ARK2C: variants seen among roughly 807,000 people sequenced by gnomAD.
ARK2C encodes the protein arkadia (RNF111) C-terminal like ring finger ubiquitin ligase 2C, also known as E3 ubiquitin-protein ligase ARK2C.
chr18:46,430,834 G>A, the ARK2C span, among the ~76,000 whole-genome samples: 11 of 152,224 alleles, frequency 7.2e-5, no homozygotes, highest in East Asian at 2.1e-3. Flanking sequence ...TGAGGGTATG[G>A]ATTATATTGT....
the ARK2C span, among the ~76,000 whole-genome samples, chr18:46,376,597 A>G: frequency 3.9e-5 from 6 of 151,980 alleles, no homozygotes; most frequent in East Asian, 3.9e-4. Flanking sequence ...GTGACTTGGA[A>G]AGAAATTTCT....
At chr18:46,373,692 A>G in the ARK2C span, among the ~76,000 whole-genome samples, 2 of 152,288 alleles carry the variant, frequency 1.3e-5, no homozygotes, top group African/African-American at 4.8e-5. Flanking sequence ...TGTAAATGGC[A>G]CTTTACAACT....
the ARK2C span, among the ~76,000 whole-genome samples, chr18:46,454,461 G>T: frequency 1.3e-5 from 2 of 152,150 alleles, no homozygotes; most frequent in African/African-American, 4.8e-5. Flanking sequence ...TGATTTTCTG[G>T]ATTCTGGATA....
the ARK2C span, among the ~76,000 whole-genome samples, chr18:46,395,720 A>G: frequency 6.6e-6 from 1 of 152,208 alleles, no homozygotes; most frequent in African/African-American, 2.4e-5. Context: ...TTACCTGGGA[A>G]AATGCCTAAG....
chr18:46,426,313 C>T, the ARK2C span, among the ~76,000 whole-genome samples: 15 of 152,328 alleles, frequency 9.8e-5, no homozygotes, highest in South Asian at 4.1e-4. Flanking sequence ...TTTAGAGACT[C>T]GGGGACCTTG....
At chr18:46,455,143 G>A in the ARK2C span, among the ~76,000 whole-genome samples, 1 of 152,140 alleles carries the variant, frequency 6.6e-6, no homozygotes, top group African/African-American at 2.4e-5. Context: ...TGAACTTTCT[G>A]GATAGAAAGA....
chr18:46,381,023 T>A, the ARK2C span, among the ~76,000 whole-genome samples: 1 of 152,206 alleles, frequency 6.6e-6, no homozygotes. Flanking sequence ...TCATGTCCTC[T>A]GGCCATGTGT....
At chr18:46,408,663 A>G in the ARK2C span, among the ~76,000 whole-genome samples, 1 of 152,188 alleles carries the variant, frequency 6.6e-6, no homozygotes, top group Non-Finnish European at 1.5e-5. Context: ...AGTTAATTAG[A>G]GCATCATCTT....
the ARK2C span, among the ~76,000 whole-genome samples, chr18:46,339,602 T>G: frequency 3.3e-5 from 5 of 152,220 alleles, no homozygotes; most frequent in Admixed American, 3.3e-4. Context: ...CTTCAGGATT[T>G]TGGAAACCCC....
At chr18:46,395,875 C>T in the ARK2C span, among the ~76,000 whole-genome samples, 1 of 152,174 alleles carries the variant, frequency 6.6e-6, no homozygotes, top group Admixed American at 6.5e-5. Context: ...TATTATTGCT[C>T]GCCATTCTAT....
chr18:46,399,071 T>C, the ARK2C span, among the ~76,000 whole-genome samples: 8 of 152,164 alleles, frequency 5.3e-5, no homozygotes, highest in Non-Finnish European at 1.2e-4. Flanking sequence ...CAGGAGAAAC[T>C]GTCGTTTTTC....
chr18:46,344,326 G>A, the ARK2C span, among the ~76,000 whole-genome samples: 3 of 152,146 alleles, frequency 2.0e-5, no homozygotes, highest in South Asian at 6.2e-4. Context: ...TGGGAGGGAA[G>A]GGGTGGAGGC....
At chr18:46,337,816 T>G in the ARK2C span, among the ~76,000 whole-genome samples, 8 of 151,940 alleles carry the variant, frequency 5.3e-5, no homozygotes, top group Non-Finnish European at 8.8e-5. Flanking sequence ...TTTTTTTTTT[T>G]TGTGGTACAG....
the ARK2C span, among the ~76,000 whole-genome samples, chr18:46,400,761 C>T: frequency 6.6e-6 from 1 of 152,118 alleles, no homozygotes; most frequent in Non-Finnish European, 1.5e-5. Flanking sequence ...TGTCGGCTTT[C>T]AGTAGCCCCG....
the ARK2C span, among the ~76,000 whole-genome samples, chr18:46,369,525 A>G: frequency 6.6e-6 from 1 of 152,092 alleles, no homozygotes; most frequent in Non-Finnish European, 1.5e-5. Context: ...ATGCCTCAGA[A>G]TCCCTCTGCT....
At chr18:46,383,121 C>T in the ARK2C span, among the ~76,000 whole-genome samples, 16 of 152,208 alleles carry the variant, frequency 1.1e-4, no homozygotes, top group Non-Finnish European at 1.9e-4. Context: ...TAGCCTAGGC[C>T]GGGGTAGGTG....
chr18:46,403,675 C>T, the ARK2C span, among the ~76,000 whole-genome samples: 4 of 151,978 alleles, frequency 2.6e-5, no homozygotes, highest in East Asian at 1.9e-4. Context: ...GTCAGGAGTT[C>T]GAGACCAGTC....
the ARK2C span, among the ~76,000 whole-genome samples, chr18:46,356,941 C>A: frequency 6.6e-6 from 1 of 152,194 alleles, no homozygotes; most frequent in Non-Finnish European, 1.5e-5. Context: ...GATCTGTGCC[C>A]TGCATTGCAA....
At chr18:46,377,494 G>T in the ARK2C span, among the ~76,000 whole-genome samples, 1 of 152,156 alleles carries the variant, frequency 6.6e-6, no homozygotes, top group Non-Finnish European at 1.5e-5. Flanking sequence ...GCAGCAAGTG[G>T]CTGGAGGGGA....
Sources: allele counts gnomAD v4.1 joint callset (sites outside exome capture counted in the v4.1 genomes callset), GRCh38; gene constraint gnomAD v4.1.1; transcripts MANE v1.5; gene names NCBI Gene and HGNC (gene_info 2026-07-23, HGNC 2026-07-21).